The following ANKRD36B variants were observed in gnomAD, a reference collection of about 807,000 sequenced individuals.
ANKRD36B encodes the protein ankyrin repeat domain 36B, also known as ankyrin repeat domain-containing protein 36B.
A neutral mutation model predicts 135.7 loss-of-function variants in ANKRD36B; 37 were observed. The ratio of observed to expected loss-of-function variants is 0.27; its 90% CI spans 0.21 to 0.36. The LOEUF (loss-of-function observed/expected upper bound fraction) is 0.36. ANKRD36B is among the 10% of genes least tolerant of loss of function. ANKRD36B has a pLI of 1.00. For missense variants in ANKRD36B, 549 were observed against 1,037.1 expected, an observed-to-expected ratio of 0.53 and a Z score of 6.46; for synonymous variants, 179 against 348.1, an observed-to-expected ratio of 0.51 and a Z score of 5.41.
intron 18 of ANKRD36B, among the ~76,000 whole-genome samples, chr2:97,550,671 G>A (rs11688548): frequency 1.3e-5 from 2 of 151,294 alleles, no homozygotes; most frequent in Admixed American, 6.6e-5. Flanking sequence ...GCCAATTCAA[G>A]CACTGTTTCC....
chr2:97,540,055 C>G lies in ANKRD36B; in HGVS notation c.1966G>C (p.Asp656His), dbSNP rs763177225. 42 of 936,974 alleles carry G rather than the reference C, an allele frequency of 4.5e-5. 16 individuals carry two copies. Among genetic ancestry groups the G allele is most frequent in the Admixed American group, 6.9e-5 (3 of 43,576 alleles). The allele number at this position is 936,974 out of a possible 1,614,324, so 58.0% of individuals were successfully genotyped here. Residue 656 changes from aspartate to histidine, a missense_variant, in exon 30 of 44, where the codon GAT becomes CAT. Coordinates refer to ENST00000359901, the MANE Select transcript of ANKRD36B (RefSeq NM_001393939.1). Reference sequence around the variant, plus strand: ...TTACCTGTCCCAGATTTTTCTCCATCCTTTATTTCTCTGGCTATATTCGAA... The same window carrying G: ...TTACCTGTCCCAGATTTTTCTCCATGCTTTATTTCTCTGGCTATATTCGAA... ...SVSNIAREIK[D>H]GEKSGTVSPQ...
intron 6 of ANKRD36B, among the ~76,000 whole-genome samples, chr2:97,573,743 C>T (rs541477357): frequency 3.0e-4 from 46 of 152,248 alleles, no homozygotes; most frequent in African/African-American, 1.1e-3. Context: ...TGCATGTCTA[C>T]AACTATCGAT....
At chr2:97,543,209 A>G (rs2079238738) in intron 26 of ANKRD36B, among the ~76,000 whole-genome samples, 1 of 150,962 alleles carries the variant, frequency 6.6e-6, no homozygotes, top group Non-Finnish European at 1.5e-5. Context: ...CCAAAATCAA[A>G]TCTTCTTTAT....
At chr2:97,552,436 G>C (rs992437565) in intron 16 of ANKRD36B, among the ~76,000 whole-genome samples, 7 of 151,872 alleles carry the variant, frequency 4.6e-5, no homozygotes, top group Non-Finnish European at 8.8e-5. Flanking sequence ...TCATATTCAA[G>C]TTTATCTCAT....
In ANKRD36B at chr2:97,539,249, G is replaced by A. The variant is rs1343337655; in HGVS notation, c.1987+785C>T. Among the ~76,000 whole-genome samples, 2 of 96,856 alleles carry A rather than the reference G, an allele frequency of 2.1e-5. 1 individual carries two copies. The highest frequency in any genetic ancestry group is 5.5e-5 in the Non-Finnish European group (2 of 36,292). The allele number at this position is 96,856 out of a possible 152,430, so 63.5% of individuals were successfully genotyped here. On this transcript the variant is annotated intron_variant, in intron 30 of 43. Coordinates refer to ENST00000359901, the MANE Select transcript of ANKRD36B (RefSeq NM_001393939.1). ...TTGAAGTATCATGTTACTCTCTAAA[G>A]CATTTTCATTAAATTGCTATTTTAT...
intron 6 of ANKRD36B, among the ~76,000 whole-genome samples, chr2:97,570,853 G>A (rs1025316757): frequency 6.6e-6 from 1 of 152,192 alleles, no homozygotes; most frequent in African/African-American, 2.4e-5. Context: ...TGGAAACTCT[G>A]ACATAGTGGC....
intron 6 of ANKRD36B, among the ~76,000 whole-genome samples, chr2:97,574,777 C>A (rs2082117511): frequency 6.6e-6 from 1 of 151,988 alleles, no homozygotes; most frequent in Non-Finnish European, 1.5e-5. Context: ...AGTATTTCCA[C>A]AAGGAGCAGA....
intron 6 of ANKRD36B, among the ~76,000 whole-genome samples, chr2:97,564,622 T>G (rs1055430171): frequency 3.3e-5 from 5 of 152,190 alleles, no homozygotes; most frequent in Non-Finnish European, 5.9e-5. Flanking sequence ...CAACACCATT[T>G]ATTAAATAGG....
chr2:97,557,157 T>A (rs2080605303), intron 10 of ANKRD36B, 25 bp from the exon 11 acceptor site: 1 of 1,510,742 alleles, frequency 6.6e-7, no homozygotes, highest in Non-Finnish European at 8.9e-7. Flanking sequence ...AAATATATAA[T>A]TCATCATATG....
chr2:97,581,050 T>G (rs1440665455), intron 3 of ANKRD36B, among the ~76,000 whole-genome samples: 1 of 122,762 alleles, frequency 8.1e-6, no homozygotes, highest in Non-Finnish European at 1.6e-5. Context: ...TTACCAGAAT[T>G]TGAACATTAT....
chr2:97,546,375 T>C (rs1258970359), intron 22 of ANKRD36B, among the ~76,000 whole-genome samples: 3 of 151,740 alleles, frequency 2.0e-5, no homozygotes, highest in Non-Finnish European at 4.4e-5. Flanking sequence ...AGTGGAAGTG[T>C]CCTAAATTGA....
rs143698805 is a variant in ANKRD36B, at chr2:97,526,882, C to A, written c.2266-3415G>T. Among the ~76,000 whole-genome samples, 225 of 96,280 alleles carry A rather than the reference C, an allele frequency of 2.3e-3. 70 individuals carry two copies. The highest frequency in any genetic ancestry group is 6.8e-3 in the African/African-American group (217 of 32,022). 63.2% of individuals were successfully genotyped at this position (96,280 alleles called of 152,430 possible). On this transcript the variant is annotated intron_variant, in intron 35 of 43. Transcript: ENST00000359901. ...AAGAATAAAAAGAAATGAACAAAGT[C>A]TCCAAAAAATATGGGACTATGTGAA...
Position 97,528,035 on chromosome 2 carries a change from A to G in ANKRD36B, c.2265+4276T>C, listed in dbSNP as rs1222104175. ...CAAGGAGACCCAGAAATTGAACTCA[A>G]CTCTGCACCAAGTGGACCTAATAGA... On this transcript the variant is annotated intron_variant, in intron 35 of 43. Coordinates refer to ENST00000359901, the MANE Select transcript of ANKRD36B (RefSeq NM_001393939.1). Among the ~76,000 whole-genome samples, 5 of 95,158 alleles carry G rather than the reference A, an allele frequency of 5.3e-5. 1 individual carries two copies. Among genetic ancestry groups the G allele is most frequent in the African/African-American group, 1.3e-4 (4 of 31,598 alleles). The allele number at this position is 95,158 out of a possible 152,430, so 62.4% of individuals were successfully genotyped here. A position where few individuals can be genotyped will look rare whatever the true frequency, so the allele number is the denominator to read the frequency against.
chr2:97,555,844 A>T (rs545396888), intron 12 of ANKRD36B, among the ~76,000 whole-genome samples: 59 of 152,052 alleles, frequency 3.9e-4, no homozygotes, highest in African/African-American at 1.2e-3. Context: ...GTGGTGTAAT[A>T]ATCTGCCTAC....
At chr2:97,571,974 A>G (rs914572615) in intron 6 of ANKRD36B, among the ~76,000 whole-genome samples, 1 of 152,104 alleles carries the variant, frequency 6.6e-6, no homozygotes, top group African/African-American at 2.4e-5. Context: ...CTCCCTTTGG[A>G]GAATAAAGGA....
At chr2:97,575,964 A>G (rs1355135136) in intron 6 of ANKRD36B, among the ~76,000 whole-genome samples, 1 of 151,428 alleles carries the variant, frequency 6.6e-6, no homozygotes, top group Non-Finnish European at 1.5e-5. Flanking sequence ...GCAGCACTAA[A>G]TCCCATGTTG....
chr2:97,570,011 A>T (rs909079137), intron 6 of ANKRD36B, among the ~76,000 whole-genome samples: 2 of 152,130 alleles, frequency 1.3e-5, no homozygotes, highest in African/African-American at 2.4e-5. Context: ...AATGAAACAA[A>T]TTTTTTATTT....
intron 26 of ANKRD36B, 31 bp from the exon 27 acceptor site, chr2:97,542,138 A>G: frequency 1.6e-6 from 1 of 616,276 alleles, no homozygotes; most frequent in Admixed American, 3.4e-5. Context: ...ATAATCACTC[A>G]TATGTGCATA....
chr2:97,559,316 G>A (rs1324285957), intron 8 of ANKRD36B, among the ~76,000 whole-genome samples: 1 of 151,888 alleles, frequency 6.6e-6, no homozygotes, highest in Non-Finnish European at 1.5e-5. Context: ...ACACACCTGA[G>A]AATCAATGTC....
Sources: allele counts gnomAD v4.1 joint callset (sites outside exome capture counted in the v4.1 genomes callset), GRCh38; gene constraint gnomAD v4.1.1; transcripts MANE v1.5; gene names NCBI Gene and HGNC (gene_info 2026-07-23, HGNC 2026-07-21).